PLSCR2: variants seen among roughly 807,000 people sequenced by gnomAD.
PLSCR2 encodes the protein PL scramblase 2.
PLSCR2 carries 18 observed loss-of-function variants against 25.3 expected under a neutral mutation model. The observed-to-expected ratio is 0.71, with a 90% CI of 0.49 to 1.06. PLSCR2 has a LOEUF of 1.06. Ranked by LOEUF, PLSCR2 falls within the 50% of genes least tolerant of loss-of-function variation. PLSCR2 has a pLI of 0.00. For missense variants in PLSCR2, 243 were observed against 269.5 expected, an observed-to-expected ratio of 0.90 and a Z score of 0.69; for synonymous variants, 88 against 87.3, an observed-to-expected ratio of 1.01 and a Z score of -0.04.
intron 2 of PLSCR2, among the ~76,000 whole-genome samples, chr3:146,418,683 T>G (rs934565146): frequency 2.0e-5 from 3 of 152,190 alleles, no homozygotes; most frequent in Admixed American, 1.3e-4. Context: ...CCTGCAGCTC[T>G]GCCCTCAGAA....
downstream of PLSCR2, among the ~76,000 whole-genome samples, chr3:146,431,784 C>T (rs1398326404): frequency 6.6e-6 from 1 of 151,472 alleles, no homozygotes; most frequent in Admixed American, 6.6e-5. Flanking sequence ...ATACTTGAAA[C>T]TAAGCCAAGC....
chr3:146,434,233 C>A (rs1009911653), intron 8 of PLSCR2, among the ~76,000 whole-genome samples: 2 of 152,012 alleles, frequency 1.3e-5, no homozygotes, highest in African/African-American at 4.8e-5. Flanking sequence ...ATAATATATA[C>A]CTGAATGGCT....
At chr3:146,489,139 G>C (rs541381886) in intron 1 of PLSCR2, among the ~76,000 whole-genome samples, 1 of 152,148 alleles carries the variant, frequency 6.6e-6, no homozygotes, top group South Asian at 2.1e-4. Flanking sequence ...ACACAGGGAG[G>C]GGAGCAACAT....
At chr3:146,411,743 G>A (rs1040222892) in intron 2 of PLSCR2, among the ~76,000 whole-genome samples, 1 of 152,084 alleles carries the variant, frequency 6.6e-6, no homozygotes, top group African/African-American at 2.4e-5. Flanking sequence ...TTTATACTTT[G>A]GTTTAGAAAG....
intron 2 of PLSCR2, among the ~76,000 whole-genome samples, chr3:146,412,998 C>A (rs924528491): frequency 3.9e-5 from 6 of 152,090 alleles, no homozygotes; most frequent in African/African-American, 1.4e-4. Flanking sequence ...TGAAGAGAAC[C>A]AGGAAGTTAA....
At position 146,460,191 on chromosome 3, in the gene PLSCR2, A is replaced by G; in HGVS notation, c.-199T>C. 14 of 1,397,334 alleles carry G rather than the reference A, an allele frequency of 1.0e-5. 1 individual carries two copies. Among genetic ancestry groups the G allele is most frequent in the Non-Finnish European group, 1.2e-5 (13 of 1,072,938 alleles). 86.6% of individuals were successfully genotyped at this position (1,397,334 alleles called of 1,614,324 possible). The stretch of plus-strand genomic sequence containing the variant: ...ACTGACCTCTCAGCTCAGAAGTCCT[A>G]TATCTGTGAAGCTTGAGGTATGTTT... On this transcript the variant is annotated 5_prime_UTR_variant, in exon 1 of 7. Coordinates refer to ENST00000610787, the Ensembl canonical transcript of PLSCR2.
intron 3 of PLSCR2, among the ~76,000 whole-genome samples, chr3:146,455,748 G>A (rs1395799613): frequency 5.3e-5 from 8 of 152,148 alleles, no homozygotes. Flanking sequence ...GCTGAGGGTT[G>A]GGGCAATGCT....
At chr3:146,483,776 T>C (rs1369177183) in intron 1 of PLSCR2, among the ~76,000 whole-genome samples, 1 of 151,098 alleles carries the variant, frequency 6.6e-6, no homozygotes, top group South Asian at 2.1e-4. Flanking sequence ...CAAAACCCCA[T>C]CTAAAGGTCA....
chr3:146,483,509 A>ATACATGTGTAT (rs1553791539), intron 1 of PLSCR2, among the ~76,000 whole-genome samples: 1 of 127,072 alleles, frequency 7.9e-6, no homozygotes, highest in Non-Finnish European at 1.7e-5. Flanking sequence ...ATATATATAT[A>ATACATGTGTAT]ATGTTACTAC....
At chr3:146,469,173 C>T in intron 1 of PLSCR2, 2 of 985,546 alleles carry the variant, frequency 2.0e-6, no homozygotes, top group Non-Finnish European at 2.4e-6. Context: ...GGCACATGCT[C>T]CTGAGCCCAG....
downstream of PLSCR2, among the ~76,000 whole-genome samples, chr3:146,430,048 C>A (rs1461420059): frequency 6.6e-6 from 1 of 151,968 alleles, no homozygotes; most frequent in African/African-American, 2.4e-5. Context: ...CCGCGCCTGG[C>A]TGGAATTTAT....
intron 1 of PLSCR2, among the ~76,000 whole-genome samples, chr3:146,485,568 A>C (rs2043309113): frequency 6.6e-6 from 1 of 152,146 alleles, no homozygotes; most frequent in Non-Finnish European, 1.5e-5. Flanking sequence ...ACTGCTCAGC[A>C]AATGCAAAAG....
At chr3:146,396,802 GA>G (rs2038290616) in intron 2 of PLSCR2, among the ~76,000 whole-genome samples, 3 of 152,104 alleles carry the variant, frequency 2.0e-5, no homozygotes, top group Admixed American at 1.3e-4. Context: ...TGGGAAACGA[GA>G]AATATCAAAG....
chr3:146,422,637 G>T (rs1191880179), intron 2 of PLSCR2, among the ~76,000 whole-genome samples: 1 of 152,042 alleles, frequency 6.6e-6, no homozygotes. Context: ...TAGCTACACT[G>T]GTTCTGACTT....
At chr3:146,460,077 G>C (rs1272402256) in exon 2 of PLSCR2, 2 of 1,527,402 alleles carry the variant, frequency 1.3e-6, no homozygotes, top group Non-Finnish European at 1.8e-6. Flanking sequence ...AATATGTCCG[G>C]GAGGTCCTGA....
At chr3:146,414,957 T>A (rs2108054668) in intron 2 of PLSCR2, among the ~76,000 whole-genome samples, 1 of 152,354 alleles carries the variant, frequency 6.6e-6, no homozygotes, top group East Asian at 1.9e-4. Context: ...AGACTATTGC[T>A]GCATTTACCT....
Position 146,473,299 on chromosome 3 carries a change from C to G in PLSCR2, c.-292-13015G>C, listed in dbSNP as rs1242482655. On this transcript the variant is annotated intron_variant, in intron 1 of 8. Transcript: ENST00000336685. ...TGTATTATAGTCCTGAAGAAAAGTA[C>G]TATCTTTTTTTTTTTTTTTTTTTAA... Among the ~76,000 whole-genome samples the G allele has an allele frequency of 6.6e-5, 8 of 121,622 alleles. No individual in the cohort carries two copies. In the Admixed American group the frequency reaches 7.8e-4, roughly 12 times the overall value. The allele number at this position is 121,622 out of a possible 152,430, so 79.8% of individuals were successfully genotyped here.
At chr3:146,399,128 T>A (rs2038375329) in intron 2 of PLSCR2, among the ~76,000 whole-genome samples, 1 of 151,884 alleles carries the variant, frequency 6.6e-6, no homozygotes. Flanking sequence ...TAGGCATGTA[T>A]GAGAATTACT....
At chr3:146,452,843 C>G (rs960408108) in intron 5 of PLSCR2, among the ~76,000 whole-genome samples, 18 of 151,782 alleles carry the variant, frequency 1.2e-4, no homozygotes, top group Admixed American at 1.2e-3. Context: ...TTATACATAT[C>G]CCTACATAAA....
Sources: gnomAD v4.1 joint callset for allele counts (sites outside exome capture counted in the v4.1 genomes callset) on GRCh38, gnomAD v4.1.1 for gene constraint, MANE v1.5 for transcripts, NCBI Gene and HGNC (gene_info 2026-07-23, HGNC 2026-07-21) for gene names.